The following CTNND2 variants were observed in gnomAD, a reference collection of about 807,000 sequenced individuals.
CTNND2 encodes catenin delta 2.
In CTNND2, 22 loss-of-function variants were observed where a neutral mutation model predicts 144.4. The observed-to-expected ratio is 0.15, with a 90% CI of 0.11 to 0.22. The LOEUF (loss-of-function observed/expected upper bound fraction) is 0.22. Among genes scored for constraint, CTNND2 ranks in the 10% least tolerant of loss-of-function variants. The probability of loss-of-function intolerance (pLI) is 1.00; values close to 1 mark genes in which losing one functional copy is unlikely to be tolerated. For synonymous variants in CTNND2, 751 were observed against 695.6 expected, an observed-to-expected ratio of 1.08 and a Z score of -1.25; for missense variants, 1,353 against 1,618.8, an observed-to-expected ratio of 0.84 and a Z score of 2.82.
intron 2 of CTNND2, among the ~76,000 whole-genome samples, chr5:11,655,713 C>T (rs1782878605): frequency 2.0e-5 from 3 of 151,944 alleles, no homozygotes; most frequent in South Asian, 2.1e-4. Flanking sequence ...TCATTCAGAG[C>T]GTAGGAATCA....
At chr5:11,435,264 G>A (rs1296260531) in intron 3 of CTNND2, among the ~76,000 whole-genome samples, 2 of 151,646 alleles carry the variant, frequency 1.3e-5, no homozygotes, top group Non-Finnish European at 2.9e-5. Context: ...TCAGCCTCCC[G>A]AGTAGCTGGG....
intron 1 of CTNND2, among the ~76,000 whole-genome samples, chr5:11,816,326 AAG>A (rs1792653541): frequency 6.6e-6 from 1 of 152,028 alleles, no homozygotes; most frequent in African/African-American, 2.4e-5. Flanking sequence ...TCCTGTCCCC[AAG>A]GGCTACCTGC....
intron 1 of CTNND2, among the ~76,000 whole-genome samples, chr5:11,781,841 A>C (rs1339203967): frequency 6.6e-6 from 1 of 152,210 alleles, no homozygotes; most frequent in Non-Finnish European, 1.5e-5. Flanking sequence ...ATAAATACTA[A>C]CTACCTGTAA....
chr5:11,231,864 G>A lies in CTNND2; in HGVS notation c.1761+4827C>T, dbSNP rs186437959. Among the ~76,000 whole-genome samples, 324 of 152,326 alleles carry A rather than the reference G, an allele frequency of 2.1e-3. 1 individual carries two copies. The highest frequency in any genetic ancestry group is 3.9e-3 in the Non-Finnish European group (264 of 68,020). On this transcript the variant is annotated intron_variant, in intron 10 of 21. Transcript: ENST00000304623. ...CACAGGCATGGAGGCCTGTGGGAGGGAAAAATGGTTTTGTGGGCTTGGCCC... is the reference window on the plus strand; with the variant it reads ...CACAGGCATGGAGGCCTGTGGGAGGAAAAAATGGTTTTGTGGGCTTGGCCC...
chr5:11,629,302 TA>T (rs1424712887), intron 2 of CTNND2, among the ~76,000 whole-genome samples: 1 of 151,988 alleles, frequency 6.6e-6, no homozygotes, highest in Non-Finnish European at 1.5e-5. Context: ...CAAGAGACAA[TA>T]AGCCTCTTAA....
At chr5:11,174,868 A>G (rs1760312060) in intron 11 of CTNND2, among the ~76,000 whole-genome samples, 2 of 152,238 alleles carry the variant, frequency 1.3e-5, no homozygotes, top group African/African-American at 4.8e-5. Context: ...AGAAAAAGTG[A>G]CAATCTTGCT....
chr5:11,815,704 A>C (rs1792591747), intron 1 of CTNND2, among the ~76,000 whole-genome samples: 1 of 152,186 alleles, frequency 6.6e-6, no homozygotes, highest in South Asian at 2.1e-4. Flanking sequence ...CAACAGGATG[A>C]AGAGTAGGGT....
intron 11 of CTNND2, among the ~76,000 whole-genome samples, chr5:11,175,142 A>G (rs946054937): frequency 9.9e-5 from 15 of 152,096 alleles, no homozygotes; most frequent in African/African-American, 2.7e-4. Context: ...TTTACATAGT[A>G]ATTTCTCTGT....
chr5:11,898,748 T>C (rs753671692), intron 1 of CTNND2, among the ~76,000 whole-genome samples: 1 of 152,224 alleles, frequency 6.6e-6, no homozygotes, highest in Non-Finnish European at 1.5e-5. Flanking sequence ...TATTTTGCTC[T>C]GGTAACTTAT....
intron 1 of CTNND2, among the ~76,000 whole-genome samples, chr5:11,853,888 G>T (rs1338765323): frequency 6.6e-6 from 1 of 152,108 alleles, no homozygotes; most frequent in Non-Finnish European, 1.5e-5. Flanking sequence ...GAGTCATTTG[G>T]ATTGACAACA....
chr5:11,627,781 A>G (rs1388346909), intron 2 of CTNND2, among the ~76,000 whole-genome samples: 1 of 150,680 alleles, frequency 6.6e-6, no homozygotes, highest in East Asian at 1.9e-4. Context: ...GCTCATCACA[A>G]TGTACAATCA....
chr5:11,768,438 C>A (rs1322071741), intron 1 of CTNND2, among the ~76,000 whole-genome samples: 2 of 152,138 alleles, frequency 1.3e-5, no homozygotes, highest in Non-Finnish European at 2.9e-5. Flanking sequence ...TACAGGCATG[C>A]ACCACCTTAC....
chr5:11,296,876 T>A (rs957283959), intron 9 of CTNND2, among the ~76,000 whole-genome samples: 1 of 152,140 alleles, frequency 6.6e-6, no homozygotes, highest in Non-Finnish European at 1.5e-5. Flanking sequence ...GAGATATACC[T>A]AATGTTAAAT....
intron 3 of CTNND2, among the ~76,000 whole-genome samples, chr5:11,495,069 G>T (rs1769802734): frequency 6.6e-6 from 1 of 152,120 alleles, no homozygotes; most frequent in Middle Eastern, 3.2e-3. Flanking sequence ...ATTTGCCTTA[G>T]TGTTTAAAGA....
At chr5:11,291,474 C>T (rs1748346746) in intron 9 of CTNND2, among the ~76,000 whole-genome samples, 1 of 152,116 alleles carries the variant, frequency 6.6e-6, no homozygotes, top group African/African-American at 2.4e-5. Context: ...ATGTCTGCCA[C>T]TTCCAATTCC....
At chr5:11,031,340 C>G (rs1390037889) in intron 16 of CTNND2, among the ~76,000 whole-genome samples, 1 of 152,074 alleles carries the variant, frequency 6.6e-6, no homozygotes, top group East Asian at 1.9e-4. Context: ...CTGGTTTCTG[C>G]CAGCTGCAAG....
chr5:11,887,195 G>A (rs1736616232), intron 1 of CTNND2, among the ~76,000 whole-genome samples: 1 of 151,934 alleles, frequency 6.6e-6, no homozygotes, highest in Non-Finnish European at 1.5e-5. Flanking sequence ...ATGTTAGCCA[G>A]AATGGTCTTG....
At chr5:11,334,724 T>C (rs1198729861) in intron 9 of CTNND2, among the ~76,000 whole-genome samples, 1 of 152,230 alleles carries the variant, frequency 6.6e-6, no homozygotes, top group East Asian at 1.9e-4. Flanking sequence ...ATAGGGTAGA[T>C]GGAGGCCCTC....
chr5:11,058,035 T>G (rs1202600529), intron 16 of CTNND2, among the ~76,000 whole-genome samples: 2 of 152,238 alleles, frequency 1.3e-5, no homozygotes, highest in African/African-American at 2.4e-5. Context: ...ACTTGGGTAC[T>G]GTTAAAAGCA....
Sources: gnomAD v4.1 joint callset for allele counts (sites outside exome capture counted in the v4.1 genomes callset) on GRCh38, gnomAD v4.1.1 for gene constraint, MANE v1.5 for transcripts, NCBI Gene and HGNC (gene_info 2026-07-23, HGNC 2026-07-21) for gene names.